EPB41L4A: variants seen among roughly 807,000 people sequenced by gnomAD.
The protein encoded by EPB41L4A is erythrocyte membrane protein band 4.1 like 4A, also known as band 4.1-like protein 4A.
In EPB41L4A, 100 loss-of-function variants were observed where a neutral mutation model predicts 108.6. That is an observed-to-expected ratio of 0.92 (90% CI 0.78 to 1.09). EPB41L4A has a LOEUF of 1.09. Among genes scored for constraint, EPB41L4A ranks in the 50% least tolerant of loss-of-function variants. The probability of loss-of-function intolerance (pLI) is 0.00; values close to 1 mark genes in which losing one functional copy is unlikely to be tolerated. For missense variants in EPB41L4A, 1,030 were observed against 842.7 expected, an observed-to-expected ratio of 1.22 and a Z score of -2.75; for synonymous variants, 319 against 289.0, an observed-to-expected ratio of 1.10 and a Z score of -1.05.
intron 9 of EPB41L4A, among the ~76,000 whole-genome samples, chr5:112,242,468 C>T (rs778540105): frequency 6.6e-6 from 1 of 152,182 alleles, no homozygotes; most frequent in Non-Finnish European, 1.5e-5. Context: ...AGTTTTCTTG[C>T]TATTTCTACC....
chr5:112,319,979 T>A (rs748289521), intron 1 of EPB41L4A, among the ~76,000 whole-genome samples: 24 of 152,230 alleles, frequency 1.6e-4, no homozygotes, highest in Non-Finnish European at 2.6e-4. Flanking sequence ...ATAAAGCCTA[T>A]GTGGTAAAAC....
At chr5:112,272,246 T>A (rs1752309853) in intron 4 of EPB41L4A, among the ~76,000 whole-genome samples, 1 of 150,796 alleles carries the variant, frequency 6.6e-6, no homozygotes, top group Non-Finnish European at 1.5e-5. Flanking sequence ...GCGATTCTCC[T>A]GCCTCAGCCT....
At chr5:112,212,388 G>A (rs1053071529) in intron 12 of EPB41L4A, among the ~76,000 whole-genome samples, 2 of 151,696 alleles carry the variant, frequency 1.3e-5, no homozygotes, top group African/African-American at 4.9e-5. Context: ...TGCCTCCTCG[G>A]TTCAAGCAAT....
chr5:112,372,641 T>A (rs1424619808), intron 1 of EPB41L4A, among the ~76,000 whole-genome samples: 1 of 152,048 alleles, frequency 6.6e-6, no homozygotes, highest in Non-Finnish European at 1.5e-5. Context: ...TGGTCCAAAG[T>A]AACAGTGGAA....
intron 1 of EPB41L4A, among the ~76,000 whole-genome samples, chr5:112,412,996 C>A (rs1018555487): frequency 1.3e-5 from 2 of 152,164 alleles, no homozygotes; most frequent in African/African-American, 2.4e-5. Flanking sequence ...GGTGATTCAG[C>A]AAGATTAAAA....
intron 1 of EPB41L4A, among the ~76,000 whole-genome samples, chr5:112,347,665 G>A (rs947785750): frequency 6.6e-6 from 1 of 152,168 alleles, no homozygotes; most frequent in Non-Finnish European, 1.5e-5. Flanking sequence ...TGAGCTTTGG[G>A]CTTCCCTTTA....
rs184684511 is a variant in EPB41L4A, at chr5:112,165,033, G to A, written c.2018C>T (p.Thr673Ile). Residue 673 changes from threonine (T) to isoleucine (I), a missense_variant, in exon 23 of 23, where the codon ACA becomes ATA. Transcript: ENST00000261486. ...GCGGGAAGCTTGTATAGTTTTTATT[G>A]TTTTTGCTGTGTGTTTTCCAGCCAG... Reference protein sequence around the residue: ...NNLAGKHTAKTIKTIQASRLK... With the variant: ...NNLAGKHTAKIIKTIQASRLK... 6,848 of 1,613,874 alleles carry A rather than the reference G, an allele frequency of 4.2e-3. 20 individuals carry two copies. Among genetic ancestry groups the A allele is most frequent in the Middle Eastern group, 8.7e-3 (53 of 6,060 alleles).
intron 12 of EPB41L4A, among the ~76,000 whole-genome samples, chr5:112,155,890 C>A (rs76402185): frequency 0.047 from 7,196 of 151,964 alleles, 203 homozygotes; most frequent in Middle Eastern, 0.075. Context: ...TTGATCAGAA[C>A]GTCTGATTTT....
rs868515852 is a variant in EPB41L4A, at chr5:112,270,911, T to C, written c.335+4415A>G. Among the ~76,000 whole-genome samples, 8 of 152,360 alleles carry C rather than the reference T, an allele frequency of 5.3e-5. No homozygotes were observed. The East Asian group carries it at 1.3e-3, about 26-fold the overall frequency. Reference sequence around the variant, plus strand: ...TGTTTTGAGACTCTAAAAAATATTATGAATGAGTCATCTGGAACTAACATT... The same window carrying C: ...TGTTTTGAGACTCTAAAAAATATTACGAATGAGTCATCTGGAACTAACATT... On this transcript the variant is annotated intron_variant, in intron 4 of 22. Coordinates refer to ENST00000261486, the MANE Select transcript of EPB41L4A (RefSeq NM_022140.5).
intron 12 of EPB41L4A, among the ~76,000 whole-genome samples, chr5:112,233,377 G>T (rs956657609): frequency 3.9e-5 from 6 of 152,194 alleles, no homozygotes; most frequent in Non-Finnish European, 8.8e-5. Flanking sequence ...GCACTTTTGG[G>T]ATGCAGGCTA....
intron 13 of EPB41L4A, among the ~76,000 whole-genome samples, chr5:112,209,636 G>C (rs1762634492): frequency 6.6e-6 from 1 of 152,152 alleles, no homozygotes; most frequent in Non-Finnish European, 1.5e-5. Context: ...TTTCTGCGGA[G>C]AATGCAGACC....
At chr5:112,382,184 TA>T (rs1760216721) in intron 1 of EPB41L4A, among the ~76,000 whole-genome samples, 1 of 152,214 alleles carries the variant, frequency 6.6e-6, no homozygotes, top group East Asian at 1.9e-4. Flanking sequence ...CTCTTTCCTT[TA>T]ATCTATTTTT....
intron 18 of EPB41L4A, among the ~76,000 whole-genome samples, chr5:112,180,507 A>G (rs1019011223): frequency 1.3e-5 from 2 of 152,306 alleles, no homozygotes; most frequent in African/African-American, 4.8e-5. Context: ...GACTACAGGA[A>G]AAACACCTCT....
chr5:112,161,631 T>A (rs73787785), downstream of EPB41L4A: 90,109 of 518,634 alleles, frequency 0.17, 8,546 homozygotes, highest in Non-Finnish European at 0.21. Flanking sequence ...GCTTTTACGT[T>A]TCCACGCGTG....
Position 112,298,895 on chromosome 5 carries a change from A to T in EPB41L4A, c.204+8491T>A, listed in dbSNP as rs1313805614. Among the ~76,000 whole-genome samples, 4 of 152,232 alleles carry T rather than the reference A, an allele frequency of 2.6e-5. No individual in the cohort carries two copies. The East Asian group carries it at 7.7e-4, about 29-fold the overall frequency. ...CTAGGAGGGTTGTCTCTTTCCAGGAATTTATCCATATCCTCCATGTTTTCT... is the reference window on the plus strand; with the variant it reads ...CTAGGAGGGTTGTCTCTTTCCAGGATTTTATCCATATCCTCCATGTTTTCT... On this transcript the variant is annotated intron_variant, in intron 2 of 22. Transcript: ENST00000261486.
chr5:112,395,225 A>C (rs913622441), intron 1 of EPB41L4A, among the ~76,000 whole-genome samples: 1 of 152,236 alleles, frequency 6.6e-6, no homozygotes, highest in Non-Finnish European at 1.5e-5. Flanking sequence ...CAATGGCAAC[A>C]AAAGCCAAAA....
intron 7 of EPB41L4A, among the ~76,000 whole-genome samples, chr5:112,262,162 G>A (rs1039339068): frequency 2.0e-5 from 3 of 152,074 alleles, no homozygotes; most frequent in South Asian, 4.2e-4. Context: ...CAAGTGCTGG[G>A]ATTACTTACA....
chr5:112,262,571 G>GA lies in EPB41L4A; in HGVS notation c.564dup (p.Pro189SerfsTer3). 1 of 1,613,956 alleles carries GA rather than the reference G, an allele frequency of 6.2e-7. No individual in the cohort carries two copies. The highest frequency in any genetic ancestry group is 1.1e-5 in the South Asian group (1 of 91,074). On this transcript the variant is annotated frameshift_variant, in exon 7 of 23. Coordinates refer to ENST00000261486, the MANE Select transcript of EPB41L4A (RefSeq NM_022140.5). LOFTEE classifies it high-confidence loss of function. ...AAGTAATTCAGCTCAGCCTCAGAAG[G>GA]AATCTGACCCCTACACCCAGCACAA...
intron 1 of EPB41L4A, among the ~76,000 whole-genome samples, chr5:112,360,652 G>A (rs1472330650): frequency 6.6e-6 from 1 of 152,212 alleles, no homozygotes; most frequent in African/African-American, 2.4e-5. Context: ...GCCTGCCTTG[G>A]CCTCCCAAAG....
Sources: gnomAD v4.1 joint callset for allele counts (sites outside exome capture counted in the v4.1 genomes callset) on GRCh38, gnomAD v4.1.1 for gene constraint, MANE v1.5 for transcripts, NCBI Gene and HGNC (gene_info 2026-07-23, HGNC 2026-07-21) for gene names.